The following CLVS1 variants were observed in gnomAD, a reference collection of about 807,000 sequenced individuals.
CLVS1 encodes the protein clavesin 1.
CLVS1 carries 10 observed loss-of-function variants against 33.1 expected under a neutral mutation model. That is an observed-to-expected ratio of 0.30 (90% CI 0.19 to 0.51). The LOEUF (loss-of-function observed/expected upper bound fraction) is 0.51, where lower values mean the gene tolerates loss of function less well. Among genes scored for constraint, CLVS1 ranks in the 20% least tolerant of loss-of-function variants. The pLI is 0.97. For synonymous variants in CLVS1, 163 were observed against 166.1 expected, an observed-to-expected ratio of 0.98 and a Z score of 0.14; for missense variants, 343 against 433.4, an observed-to-expected ratio of 0.79 and a Z score of 1.85.
intron 2 of CLVS1, among the ~76,000 whole-genome samples, chr8:61,151,932 C>T (rs538380312): frequency 6.7e-4 from 102 of 152,210 alleles, no homozygotes; most frequent in Non-Finnish European, 6.9e-4. Flanking sequence ...GGAAGGCAGA[C>T]GTCAGATAAA....
chr8:61,369,985 G>A (rs1813366482), intron 2 of CLVS1, among the ~76,000 whole-genome samples: 1 of 152,132 alleles, frequency 6.6e-6, no homozygotes, highest in African/African-American at 2.4e-5. Context: ...AAGTAATTTT[G>A]GAAGAAGTTT....
At chr8:60,999,269 C>G in the CLVS1 span, among the ~76,000 whole-genome samples, 1 of 152,108 alleles carries the variant, frequency 6.6e-6, no homozygotes, top group Non-Finnish European at 1.5e-5. Context: ...GGGCAGAGAG[C>G]CAAGAGAAGA....
chr8:61,052,881 G>A (rs745506560), upstream of CLVS1, among the ~76,000 whole-genome samples: 9 of 152,160 alleles, frequency 5.9e-5, no homozygotes, highest in Middle Eastern at 3.2e-3. Flanking sequence ...GGCACTGAAG[G>A]GTGCCTGGCT....
intron 2 of CLVS1, among the ~76,000 whole-genome samples, chr8:61,160,409 A>T (rs1806729825): frequency 6.6e-6 from 1 of 152,208 alleles, no homozygotes; most frequent in South Asian, 2.1e-4. Flanking sequence ...CATCCTCCCG[A>T]AACAAAAACA....
At chr8:61,469,388 T>C (rs1586018719) in intron 5 of CLVS1, among the ~76,000 whole-genome samples, 1 of 152,146 alleles carries the variant, frequency 6.6e-6, no homozygotes, top group South Asian at 2.1e-4. Context: ...CATGGAAGAA[T>C]TGAGATGTCA....
chr8:61,376,392 G>A (rs547682864), intron 2 of CLVS1, among the ~76,000 whole-genome samples: 28 of 152,356 alleles, frequency 1.8e-4, no homozygotes, highest in Non-Finnish European at 3.1e-4. Flanking sequence ...TTGGGGTGCA[G>A]AGCCAAGGGA....
chr8:61,268,392 A>C (rs1809357870), intron 2 of CLVS1, among the ~76,000 whole-genome samples: 2 of 151,188 alleles, frequency 1.3e-5, no homozygotes, highest in Admixed American at 1.3e-4. Flanking sequence ...TATATGTGCC[A>C]CATTTTCTTA....
chr8:61,470,142 C>T (rs1201832478), intron 5 of CLVS1, among the ~76,000 whole-genome samples: 1 of 152,186 alleles, frequency 6.6e-6, no homozygotes, highest in Non-Finnish European at 1.5e-5. Context: ...GATAGATGTC[C>T]TGCTTACATA....
At chr8:61,027,886 T>C in the CLVS1 span, among the ~76,000 whole-genome samples, 1 of 152,256 alleles carries the variant, frequency 6.6e-6, no homozygotes, top group African/African-American at 2.4e-5. Flanking sequence ...CTCATTCTAA[T>C]GTTCTCACTT....
Position 61,189,778 on chromosome 8 carries a change from T to G in CLVS1, c.-152+57918T>G, listed in dbSNP as rs567779041. Among the ~76,000 whole-genome samples the G allele has an allele frequency of 3.9e-5, 6 of 152,050 alleles. No individual in the cohort carries two copies. The South Asian group carries it at 1.0e-3, about 26-fold the overall frequency. On this transcript the variant is annotated intron_variant, in intron 2 of 2. Transcript: ENST00000522621. ...ACAAAGATCAAAAGAGACAAAGAAG[T>G]CCATTACATAATGGTAAAGGGATCA...
At chr8:61,336,084 C>T (rs751539260) in intron 2 of CLVS1, among the ~76,000 whole-genome samples, 2 of 152,116 alleles carry the variant, frequency 1.3e-5, no homozygotes, top group African/African-American at 2.4e-5. Flanking sequence ...CTCTGCTGAA[C>T]CCTCATTCCC....
intron 3 of CLVS1, among the ~76,000 whole-genome samples, chr8:61,401,175 T>A (rs1043494120): frequency 2.6e-5 from 4 of 151,754 alleles, no homozygotes; most frequent in African/African-American, 9.7e-5. Context: ...TTTTTAAAAT[T>A]GGATTCCTGA....
chr8:61,060,103 C>T (rs986857956), intron 1 of CLVS1, among the ~76,000 whole-genome samples: 3 of 152,092 alleles, frequency 2.0e-5, no homozygotes, highest in Non-Finnish European at 2.9e-5. Context: ...GAGGAATAAT[C>T]CTCTATCTTT....
chr8:61,262,302 G>A (rs370574882), intron 2 of CLVS1, among the ~76,000 whole-genome samples: 2 of 152,246 alleles, frequency 1.3e-5, no homozygotes, highest in African/African-American at 4.8e-5. Context: ...AGATGTGAGT[G>A]ATTGTGCTTG....
At chr8:61,358,255 A>G (rs938424238) in intron 2 of CLVS1, among the ~76,000 whole-genome samples, 2 of 152,136 alleles carry the variant, frequency 1.3e-5, no homozygotes, top group African/African-American at 4.8e-5. Flanking sequence ...TATTTGTTTG[A>G]CCCTCACCTA....
At chr8:61,402,326 C>T (rs1814802353) in intron 3 of CLVS1, among the ~76,000 whole-genome samples, 1 of 152,094 alleles carries the variant, frequency 6.6e-6, no homozygotes, top group South Asian at 2.1e-4. Context: ...ACTTGTTTGT[C>T]TCTATTCCTG....
At position 61,458,570 on chromosome 8, in the gene CLVS1, C is replaced by T. The variant is rs750930447; in HGVS notation, c.977+28C>T. On this transcript the variant is annotated intron_variant, in intron 5 of 5. Coordinates refer to ENST00000325897, the MANE Select transcript of CLVS1 (RefSeq NM_173519.3). ...AAGGCCTGGGTTATCAGAGCCCCCC[C>T]CCCAGTCAGAGGTCAATGGAATTTT... The T allele has an allele frequency of 3.1e-5, 45 of 1,470,464 alleles. No individual in the cohort carries two copies. In the South Asian group the frequency reaches 3.7e-4, roughly 12 times the overall value. The allele number at this position is 1,470,464 out of a possible 1,614,324, so 91.1% of individuals were successfully genotyped here.
chr8:61,263,200 G>C (rs1241776488), intron 2 of CLVS1, among the ~76,000 whole-genome samples: 2 of 152,112 alleles, frequency 1.3e-5, no homozygotes, highest in Non-Finnish European at 2.9e-5. Flanking sequence ...TAAGATTTCT[G>C]CTAAAACTCC....
chr8:61,141,150 T>C (rs1474938344), intron 2 of CLVS1, among the ~76,000 whole-genome samples: 1 of 152,254 alleles, frequency 6.6e-6, no homozygotes, highest in African/African-American at 2.4e-5. Flanking sequence ...CAAAATAATG[T>C]GTATAAAATG....
Sources: gnomAD v4.1 joint callset for allele counts (sites outside exome capture counted in the v4.1 genomes callset) on GRCh38, gnomAD v4.1.1 for gene constraint, MANE v1.5 for transcripts, NCBI Gene and HGNC (gene_info 2026-07-23, HGNC 2026-07-21) for gene names.